Variants in PTPRD observed in about 807,000 individuals in gnomAD.
PTPRD encodes the protein receptor-type tyrosine-protein phosphatase delta.
A neutral mutation model predicts 214.5 loss-of-function variants in PTPRD; 34 were observed. The observed-to-expected ratio is 0.16, with a 90% confidence interval of 0.12 to 0.21. The LOEUF (loss-of-function observed/expected upper bound fraction) is 0.21, where lower values mean the gene tolerates loss of function less well. Among genes scored for constraint, PTPRD ranks in the 10% least tolerant of loss-of-function variants. PTPRD has a pLI of 1.00. For synonymous variants in PTPRD, 1,128 were observed against 845.7 expected, an observed-to-expected ratio of 1.33 and a Z score of -5.79; for missense variants, 2,545 against 2,398.7, an observed-to-expected ratio of 1.06 and a Z score of -1.27.
chr9:9,968,497 G>T (rs1464826588), intron 4 of PTPRD, among the ~76,000 whole-genome samples: 1 of 152,132 alleles, frequency 6.6e-6, no homozygotes, highest in Non-Finnish European at 1.5e-5. Flanking sequence ...AAATGCAAAA[G>T]TAAAGAGCAA....
At chr9:8,847,812 G>A (rs1489141480) in intron 11 of PTPRD, among the ~76,000 whole-genome samples, 1 of 152,094 alleles carries the variant, frequency 6.6e-6, no homozygotes, top group East Asian at 1.9e-4. Flanking sequence ...CGGGTGAAAT[G>A]AAAACAAGAG....
At chr9:8,724,492 T>C (rs1384634618) in intron 12 of PTPRD, among the ~76,000 whole-genome samples, 1 of 152,166 alleles carries the variant, frequency 6.6e-6, no homozygotes, top group African/African-American at 2.4e-5. Flanking sequence ...CTCCAAAGAA[T>C]TTTTCCACCA....
intron 5 of PTPRD, among the ~76,000 whole-genome samples, chr9:9,898,084 T>C (rs763145908): frequency 5.3e-5 from 8 of 152,112 alleles, no homozygotes; most frequent in East Asian, 1.9e-4. Context: ...TTCAACAACA[T>C]AGAGAAACTA....
intron 5 of PTPRD, among the ~76,000 whole-genome samples, chr9:9,926,177 T>C (rs920467962): frequency 6.6e-6 from 1 of 152,146 alleles, no homozygotes; most frequent in Non-Finnish European, 1.5e-5. Context: ...TCTACCTATC[T>C]TATACTTACC....
Position 8,878,781 on chromosome 9 carries a change from G to A in PTPRD, c.-104+139916C>T, listed in dbSNP as rs73433166. Among the ~76,000 whole-genome samples the A allele has an allele frequency of 2.8e-3, 430 of 152,226 alleles. 4 individuals are homozygous for A. The highest frequency in any genetic ancestry group is 9.7e-3 in the African/African-American group (405 of 41,554). On this transcript the variant is annotated intron_variant, in intron 11 of 45. Coordinates refer to ENST00000381196, the MANE Select transcript of PTPRD (RefSeq NM_002839.4). ...GGACTCAAGCAATTCTCCCACCTTG[G>A]CCTCCCAAAGTTATTGGGAAGGGAT... is the stretch of plus-strand genomic sequence containing the variant.
intron 7 of PTPRD, among the ~76,000 whole-genome samples, chr9:9,683,150 C>T (rs1056790474): frequency 6.6e-6 from 1 of 151,688 alleles, no homozygotes; most frequent in East Asian, 1.9e-4. Flanking sequence ...ATTGGTGGAA[C>T]CATTTGGACG....
intron 30 of PTPRD, among the ~76,000 whole-genome samples, chr9:8,471,670 C>A (rs774045301): frequency 6.6e-6 from 1 of 151,910 alleles, no homozygotes; most frequent in South Asian, 2.1e-4. Flanking sequence ...AGGTAAGTAC[C>A]GCAGAAAATT....
chr9:8,637,257 C>T (rs2096464330), intron 12 of PTPRD, among the ~76,000 whole-genome samples: 1 of 152,136 alleles, frequency 6.6e-6, no homozygotes, highest in Non-Finnish European at 1.5e-5. Context: ...AGCAGCATTG[C>T]CACTGCTGAG....
chr9:9,091,370 A>T lies in PTPRD; in HGVS notation c.-142-72635T>A, dbSNP rs938409113. ...TTTTCTGGAACTGTACATTTCTGTA[A>T]ATCTCCAATCACCTTATGACTCTGG... is the stretch of plus-strand genomic sequence containing the variant. On this transcript the variant is annotated intron_variant, in intron 10 of 45. Transcript: ENST00000381196. 1.0e-5 allele frequency: 7 copies of T among 693,418 alleles called. No homozygotes were observed. The African/African-American group carries it at 1.1e-4, about 11-fold the overall frequency. The allele number at this position is 693,418 out of a possible 1,614,324, so 43.0% of individuals were successfully genotyped here.
At chr9:8,658,773 C>A (rs548794345) in intron 12 of PTPRD, among the ~76,000 whole-genome samples, 1 of 151,644 alleles carries the variant, frequency 6.6e-6, no homozygotes, top group Non-Finnish European at 1.5e-5. Flanking sequence ...AAGGATGAGG[C>A]GGTATCTATT....
intron 3 of PTPRD, among the ~76,000 whole-genome samples, chr9:10,082,679 T>C (rs1365378126): frequency 6.6e-6 from 1 of 151,922 alleles, no homozygotes; most frequent in East Asian, 1.9e-4. Context: ...TGCACTTAAA[T>C]ACATGAACTT....
chr9:9,629,582 C>G (rs1369908293), intron 7 of PTPRD, among the ~76,000 whole-genome samples: 2 of 152,042 alleles, frequency 1.3e-5, no homozygotes, highest in East Asian at 3.9e-4. Context: ...ACCCACCAGC[C>G]CTGAGGGACA....
chr9:9,906,037 G>T (rs533944509), intron 5 of PTPRD, among the ~76,000 whole-genome samples: 174 of 152,036 alleles, frequency 1.1e-3, no homozygotes, highest in African/African-American at 3.9e-3. Flanking sequence ...TGAGAAGCAT[G>T]TTGTAAAGCT....
chr9:9,991,616 C>A (rs1241932253), intron 4 of PTPRD, among the ~76,000 whole-genome samples: 2 of 152,098 alleles, frequency 1.3e-5, no homozygotes, highest in African/African-American at 4.8e-5. Context: ...CTGCCTTGGC[C>A]TCCCGAAGTG....
intron 27 of PTPRD, among the ~76,000 whole-genome samples, chr9:8,489,628 G>A (rs1054509309): frequency 6.6e-6 from 1 of 152,212 alleles, no homozygotes; most frequent in Non-Finnish European, 1.5e-5. Flanking sequence ...CCATAAGCAT[G>A]TGAATAATAG....
In PTPRD at chr9:8,315,376, T is replaced by G. The variant is rs576040794; in HGVS notation, c.*2498A>C. ...GAAGCTGCTCATTGGCCAATCATTC[T>G]GGTGTGCAGTGCTCCATCGGATTCT... On this transcript the variant is annotated 3_prime_UTR_variant, in exon 46 of 46. Transcript: ENST00000381196. 4 of 232,584 alleles carry G rather than the reference T, an allele frequency of 1.7e-5. No homozygotes were observed. Among genetic ancestry groups the G allele is most frequent in the African/African-American group, 6.6e-5 (3 of 45,388 alleles). 14.4% of individuals were successfully genotyped at this position (232,584 alleles called of 1,614,324 possible). A position where few individuals can be genotyped will look rare whatever the true frequency, so the allele number is the denominator to read the frequency against.
At chr9:9,005,683 G>A (rs73439804) in intron 11 of PTPRD, among the ~76,000 whole-genome samples, 1 of 151,984 alleles carries the variant, frequency 6.6e-6, no homozygotes, top group African/African-American at 2.4e-5. Context: ...TTTTAATAAA[G>A]TTCACTTTAT....
chr9:9,305,405 A>T (rs186668762), intron 9 of PTPRD, among the ~76,000 whole-genome samples: 93 of 152,238 alleles, frequency 6.1e-4, no homozygotes, highest in African/African-American at 2.0e-3. Context: ...GAGGCACTGT[A>T]TAAGGTCTTA....
At chr9:10,088,525 A>G (rs919855829) in intron 3 of PTPRD, among the ~76,000 whole-genome samples, 3 of 151,692 alleles carry the variant, frequency 2.0e-5, no homozygotes, top group Non-Finnish European at 2.9e-5. Flanking sequence ...CCTATAGTTT[A>G]TTAGTCTCTT....
Sources: gnomAD v4.1 joint callset for allele counts (sites outside exome capture counted in the v4.1 genomes callset) on GRCh38, gnomAD v4.1.1 for gene constraint, MANE v1.5 for transcripts, NCBI Gene and HGNC (gene_info 2026-07-23, HGNC 2026-07-21) for gene names.